Variants in LAS1L observed in about 807,000 individuals in gnomAD.
LAS1L encodes ribosomal biogenesis protein LAS1L.
A neutral mutation model predicts 57.3 loss-of-function variants in LAS1L; 5 were observed. That is an observed-to-expected ratio of 0.09 (90% CI 0.05 to 0.18). The LOEUF (loss-of-function observed/expected upper bound fraction) is 0.18. LAS1L is among the 10% of genes least tolerant of loss of function. The probability of loss-of-function intolerance (pLI) is 1.00; values close to 1 mark genes in which losing one functional copy is unlikely to be tolerated. For missense variants in LAS1L, 360 were observed against 568.3 expected (o/e 0.63, Z 3.73); for synonymous variants, 245 against 231.7 (o/e 1.06, Z -0.52).
At chrX:65,528,559 T>TTCC (rs1401875285) in intron 6 of LAS1L, among the ~76,000 whole-genome samples, 190 bp from the exon 7 acceptor site, 1 of 111,931 alleles carries the variant, frequency 8.9e-6, no homozygotes, top group East Asian at 2.8e-4. Context: ...AATGTGAGAC[T>TTCC]TCCTCCTCCT....
At position 65,534,497 on chromosome X, in the gene LAS1L, G is replaced by T. The variant is rs200273194; in HGVS notation, c.219C>A (p.Ile73=). ...CACCTTACCTGCTCCTCCACACCGT[G>T]ATGCGGTTAAGCGCGTACCGCTGCA... ...HKLQRYALNR[I]TVWRSRSGNE... Residue 73 remains isoleucine (I), a synonymous_variant, in exon 1 of 14, where the codon ATC becomes ATA. Transcript: ENST00000374811. The T allele has an allele frequency of 2.5e-6, 3 of 1,205,228 alleles. No homozygotes were observed. In the East Asian group the frequency reaches 8.9e-5, roughly 36 times the overall value.
chrX:65,531,247 C>T, intron 4 of LAS1L, 110 bp downstream of exon 4: 1 of 461,434 alleles, frequency 2.2e-6, no homozygotes, highest in Non-Finnish European at 3.7e-6. Flanking sequence ...TCACCCTAGT[C>T]CCAGCCTTGA....
Position 65,529,612 on chromosome X carries a change from T to G in LAS1L, c.781A>C (p.Ser261Arg). 8.3e-7 allele frequency: 1 copy of G among 1,211,566 alleles called. No homozygotes were observed. Among genetic ancestry groups the G allele is most frequent in the Non-Finnish European group, 1.1e-6 (1 of 895,437 alleles). The change falls in exon 5 of 14, where the codon AGT becomes CGT. Residue 261 changes from serine to arginine, a missense_variant. Physicochemically the swap from Ser to Arg is moderately radical, Grantham distance 110 (BLOSUM62 -1). Around this residue, in one of 7 missense-constraint regions of LAS1L, gnomAD observed 51 missense variants for 43.1 expected, o/e 1.18. Coordinates refer to ENST00000374811, the MANE Select transcript of LAS1L (RefSeq NM_031206.7). ...EVDSHCKKAL[S>R]HKELYERARE... is the part of the protein sequence containing the mutation. ...CACCTACCATATAGCTCTTTATGAC[T>G]CAGGGCCTTTTTGCAATGAGAATCC... is the stretch of plus-strand genomic sequence containing the variant.
At chrX:65,514,802 C>T (rs772377913) in intron 13 of LAS1L, 21 bp downstream of exon 13, 18 of 1,152,197 alleles carry the variant, frequency 1.6e-5, no homozygotes, top group Non-Finnish European at 1.6e-5. Context: ...GGTGAGAAAT[C>T]CTGTTGCCAT....
chrX:65,519,365 T>C (rs890334224), intron 11 of LAS1L, among the ~76,000 whole-genome samples: 21 of 111,910 alleles, frequency 1.9e-4, no homozygotes, highest in South Asian at 3.7e-4. Flanking sequence ...GATCACCAAG[T>C]GACCATGTGG....
At chrX:65,516,636 T>TACACACACACACACACACAC (rs57356313) in intron 12 of LAS1L, among the ~76,000 whole-genome samples, 1 of 89,569 alleles carries the variant, frequency 1.1e-5, no homozygotes, top group Non-Finnish European at 2.2e-5. Flanking sequence ...CTTTTTCCTA[T>TACACACACACACACACACAC]ACACACACAC....
rs1222744565 is a variant in LAS1L at position 65,534,642 on chromosome X, C to T, written c.74G>A (p.Gly25Glu). The T allele has an allele frequency of 8.4e-7, 1 of 1,194,900 alleles. No individual in the cohort carries two copies. Among genetic ancestry groups the T allele is most frequent in the Admixed American group, 2.3e-5 (1 of 43,852 alleles). Reference sequence around the variant, plus strand: ...CGACCCTTTCCCTTTAACGCACTTTCCGTACCACGCACTCCACACGAGATC... The same window carrying T: ...CGACCCTTTCCCTTTAACGCACTTTTCGTACCACGCACTCCACACGAGATC... ...GMDLVWSAWYGKCVKGKGSLP... is the reference protein window; with the variant it reads ...GMDLVWSAWYEKCVKGKGSLP... Residue 25 changes from glycine (G) to glutamate (E), a missense_variant, in exon 1 of 14, where the codon GGA becomes GAA. Around this residue, in one of 7 missense-constraint regions of LAS1L, gnomAD observed 36 missense variants for 27.9 expected, o/e 1.29. Transcript: ENST00000374811.
chrX:65,512,983 T>A, intron 13 of LAS1L, 82 bp from the exon 14 acceptor site: 1 of 956,215 alleles, frequency 1.0e-6, no homozygotes, highest in South Asian at 3.0e-5. Context: ...CATGTGTGTA[T>A]CTGTGGGATG....
intron 7 of LAS1L, among the ~76,000 whole-genome samples, chrX:65,526,411 G>C (rs1025410091): frequency 1.1e-4 from 12 of 111,975 alleles, no homozygotes; most frequent in African/African-American, 3.9e-4. Flanking sequence ...TAGGGGCATA[G>C]TTTTCCCAGC....
intron 2 of LAS1L, 63 bp from the exon 3 acceptor site, chrX:65,532,693 T>A: frequency 1.2e-6 from 1 of 801,281 alleles, no homozygotes; most frequent in Non-Finnish European, 1.9e-6. Flanking sequence ...AACACTTTGC[T>A]GAGTTACTGA....
intron 12 of LAS1L, among the ~76,000 whole-genome samples, chrX:65,517,250 CTT>C (rs397895342): frequency 7.2e-5 from 6 of 83,286 alleles, no homozygotes; most frequent in African/African-American, 7.4e-5. Flanking sequence ...TTCTTTCTTT[CTT>C]TTTTTTTTTT....
At chrX:65,524,887 A>G in intron 8 of LAS1L, 78 bp downstream of exon 8, 1 of 835,784 alleles carries the variant, frequency 1.2e-6, no homozygotes, top group African/African-American at 2.0e-5. Context: ...ACCCCAACCC[A>G]GGGCCCCCCA....
At position 65,529,224 on chromosome X, in the gene LAS1L, C is replaced by T; in HGVS notation, c.834G>A (p.Glu278=). 1.7e-6 allele frequency: 2 copies of T among 1,209,656 alleles called. No homozygotes were observed. The highest frequency in any genetic ancestry group is 5.9e-5 in the East Asian group (2 of 33,847). The change falls in exon 6 of 14, where the codon GAG becomes GAA. Residue 278 remains glutamate (E), a synonymous_variant. Coordinates refer to ENST00000374811, the MANE Select transcript of LAS1L (RefSeq NM_031206.7). ...RARELLVSYE[E]EQFTVLEKFR... The stretch of plus-strand genomic sequence containing the variant: ...GGCACTTTCTTACCGTAAACTGCTC[C>T]TCTTCGTATGATACCAGCAGTTCTC...
chrX:65,531,525 C>T, intron 3 of LAS1L, 87 bp from the exon 4 acceptor site: 3 of 605,841 alleles, frequency 5.0e-6, no homozygotes, highest in Non-Finnish European at 8.0e-6. Flanking sequence ...TCCTGACCAC[C>T]TCCTGCCCCA....
intron 4 of LAS1L, among the ~76,000 whole-genome samples, chrX:65,531,020 C>CA (rs1485109489): frequency 1.8e-5 from 2 of 110,709 alleles, no homozygotes; most frequent in South Asian, 3.8e-4. Flanking sequence ...TAAGGGCAGG[C>CA]AAAAAAACCT....
At chrX:65,526,277 T>C (rs1238803808) in intron 7 of LAS1L, among the ~76,000 whole-genome samples, 14 of 111,312 alleles carry the variant, frequency 1.3e-4, no homozygotes, top group Admixed American at 1.2e-3. Flanking sequence ...TAAACAGATA[T>C]AGACATTCTC....
At chrX:65,522,180 C>A (rs772534714) in intron 11 of LAS1L, 140 of 110,344 alleles carry the variant, frequency 1.3e-3, no homozygotes, top group African/African-American at 4.4e-3. Context: ...AAGGCCACCT[C>A]ATCCTGAGAC....
At chrX:65,532,287 G>A (rs911718590) in intron 3 of LAS1L, among the ~76,000 whole-genome samples, 1 of 112,877 alleles carries the variant, frequency 8.9e-6, no homozygotes, top group African/African-American at 3.2e-5. Flanking sequence ...GGCAGGTGCT[G>A]TGACTGTCAC....
In LAS1L at chrX:65,518,132, ATCC is replaced by A; in HGVS notation, c.1779_1781del (p.Glu593del). The A allele has an allele frequency of 8.4e-7, 1 of 1,197,541 alleles. No homozygotes were observed. On this transcript the variant is annotated inframe_deletion, in exon 12 of 14. Coordinates refer to ENST00000374811, the MANE Select transcript of LAS1L (RefSeq NM_031206.7). The stretch of plus-strand genomic sequence containing the variant: ...CCTCTTCATCATCTTCATCATCTTC[ATCC>A]TCCTCTTCCTCCTCTTGGTCATCAT...
Sources: gnomAD v4.1 joint callset for allele counts (sites outside exome capture counted in the v4.1 genomes callset) on GRCh38, gnomAD v4.1.1 for gene constraint, gnomAD v4.1.1 regional missense constraint, MANE v1.5 for transcripts, NCBI Gene and HGNC (gene_info 2026-07-23, HGNC 2026-07-21) for gene names.